The following MACF1 variants were observed in gnomAD, a reference collection of about 807,000 sequenced individuals.
The protein encoded by MACF1 is microtubule-actin cross-linking factor 1.
MACF1 carries 193 observed loss-of-function variants against 854.8 expected under a neutral mutation model. That is an observed-to-expected ratio of 0.23 (90% CI 0.20 to 0.25). MACF1 has a LOEUF of 0.25. MACF1 is among the 10% of genes least tolerant of loss of function. The pLI is 1.00. For synonymous variants in MACF1, 3,185 were observed against 3,226.7 expected (o/e 0.99, Z 0.44); for missense variants, 7,722 against 8,929.1 (o/e 0.86, Z 5.45).
intron 2 of MACF1, among the ~76,000 whole-genome samples, chr1:39,175,128 C>T (rs1644007022): frequency 6.6e-6 from 1 of 152,124 alleles, no homozygotes; most frequent in African/African-American, 2.4e-5. Context: ...CCCTCCCCCA[C>T]CTTGCTCCAT....
intron 58 of MACF1, among the ~76,000 whole-genome samples, chr1:39,420,572 C>G (rs565827790): frequency 5.9e-5 from 9 of 152,084 alleles, no homozygotes; most frequent in Non-Finnish European, 1.2e-4. Flanking sequence ...TATAACCTTC[C>G]TTTTTCAGTG....
intron 58 of MACF1, among the ~76,000 whole-genome samples, chr1:39,406,093 A>T (rs559264999): frequency 2.6e-5 from 4 of 152,352 alleles, no homozygotes; most frequent in African/African-American, 9.6e-5. Flanking sequence ...AAAAAGAGCA[A>T]AGCACTCAGA....
intron 2 of MACF1, among the ~76,000 whole-genome samples, chr1:39,124,190 G>C (rs1642803959): frequency 6.6e-6 from 1 of 151,890 alleles, no homozygotes; most frequent in Admixed American, 6.6e-5. Flanking sequence ...CAGGCCCCCA[G>C]GTGGTTTTTT....
At chr1:39,212,394 G>T (rs1467247208) in intron 1 of MACF1, among the ~76,000 whole-genome samples, 4 of 152,096 alleles carry the variant, frequency 2.6e-5, no homozygotes, top group African/African-American at 9.7e-5. Context: ...GACTGACCTT[G>T]TCCCCAAGAC....
chr1:39,340,760 T>A (rs774575011), intron 39 of MACF1, 43 bp downstream of exon 39: 1 of 1,612,186 alleles, frequency 6.2e-7, no homozygotes, highest in Non-Finnish European at 8.5e-7. Flanking sequence ...AAAGTCTGGG[T>A]GGCTGGGAGA....
chr1:39,095,719 A>AC (rs1641920739), intron 2 of MACF1, among the ~76,000 whole-genome samples: 1 of 107,828 alleles, frequency 9.3e-6, no homozygotes, highest in Non-Finnish European at 2.0e-5. Context: ...CCATCTCCAC[A>AC]AAAAAAAAAA....
intron 2 of MACF1, chr1:39,103,267 C>T (rs1392460066): frequency 9.2e-6 from 3 of 326,010 alleles, no homozygotes; most frequent in Non-Finnish European, 1.8e-5. Flanking sequence ...ATCAGTCACA[C>T]ATCTTGAGGA....
intron 1 of MACF1, among the ~76,000 whole-genome samples, chr1:39,220,250 G>A (rs948213215): frequency 4.7e-5 from 7 of 150,388 alleles, no homozygotes; most frequent in African/African-American, 7.4e-5. Context: ...ATCTCAGCTC[G>A]CAACCTCTGC....
intron 72 of MACF1, among the ~76,000 whole-genome samples, chr1:39,440,106 C>CTTTTTTTTTTTTTTTTTTTTTTTTTT (rs1251165556): frequency 1.5e-5 from 1 of 68,300 alleles, no homozygotes; most frequent in African/African-American, 6.5e-5. Flanking sequence ...CTTTTCTTTT[C>CTTTTTTTTTTTTTTTTTTTTTTTTTT]TTTTCTTTTT....
At chr1:39,119,442 A>G (rs1642637969) in intron 2 of MACF1, among the ~76,000 whole-genome samples, 1 of 146,894 alleles carries the variant, frequency 6.8e-6, no homozygotes, top group African/African-American at 2.5e-5. Flanking sequence ...TGTTGTTGTT[A>G]CTTTTTGTGT....
At chr1:39,256,106 T>A (rs1645093741) in intron 5 of MACF1, among the ~76,000 whole-genome samples, 1 of 152,166 alleles carries the variant, frequency 6.6e-6, no homozygotes, top group Non-Finnish European at 1.5e-5. Flanking sequence ...ATATTTGGGA[T>A]ATCAATATAA....
chr1:39,431,864 T>C (rs1643880248), intron 66 of MACF1, among the ~76,000 whole-genome samples: 1 of 151,734 alleles, frequency 6.6e-6, no homozygotes, highest in Admixed American at 6.6e-5. Flanking sequence ...TAGTCCTAGC[T>C]ATTAGAGAGG....
chr1:39,157,527 T>TGAGGGATTGTTC (rs1643716553), intron 2 of MACF1, among the ~76,000 whole-genome samples: 1 of 152,206 alleles, frequency 6.6e-6, no homozygotes, highest in Admixed American at 6.5e-5. Flanking sequence ...ATCTCCCATA[T>TGAGGGATTGTTC]GAGGGATTGT....
At chr1:39,319,366 T>C (rs1646470354) in intron 30 of MACF1, among the ~76,000 whole-genome samples, 1 of 152,094 alleles carries the variant, frequency 6.6e-6, no homozygotes. Context: ...TTGCAGCACT[T>C]TGGGAGGCCG....
In MACF1 at chr1:39,414,418, A is replaced by T. The variant is rs563855691; in HGVS notation, c.15817-7956A>T. The stretch of plus-strand genomic sequence containing the variant: ...AGTATTTGGCATAAAAGAGGTGACC[A>T]GCACAGTGCTACATGGGAAAGTGCC... On this transcript the variant is annotated intron_variant, in intron 58 of 100. Coordinates refer to ENST00000564288, the MANE Select transcript of MACF1 (RefSeq NM_001394062.1). 9.4e-5 allele frequency: 152 copies of T among 1,614,044 alleles called. No individual in the cohort carries two copies. The South Asian group carries it at 1.5e-3, about 16-fold the overall frequency.
chr1:39,107,852 C>A (rs909094285), intron 2 of MACF1, among the ~76,000 whole-genome samples: 1 of 152,136 alleles, frequency 6.6e-6, no homozygotes, highest in South Asian at 2.1e-4. Context: ...TTTGTAGTCA[C>A]CTCATTATAC....
chr1:39,241,946 T>C (rs1276991786), intron 2 of MACF1, among the ~76,000 whole-genome samples: 2 of 152,224 alleles, frequency 1.3e-5, no homozygotes, highest in Non-Finnish European at 2.9e-5. Context: ...TAAAGTCCCT[T>C]TGGGCTAAGA....
At chr1:39,137,071 T>G (rs1643193771) in intron 2 of MACF1, among the ~76,000 whole-genome samples, 1 of 152,130 alleles carries the variant, frequency 6.6e-6, no homozygotes, top group African/African-American at 2.4e-5. Context: ...TTAATTTAAT[T>G]TAATTTAATT....
chr1:39,194,351 C>CTTTTTTTTTTTTTTTTT (rs749853544), intron 2 of MACF1, among the ~76,000 whole-genome samples: 1 of 35,542 alleles, frequency 2.8e-5, no homozygotes, highest in Non-Finnish European at 5.2e-5. Flanking sequence ...CTTTTCTTTT[C>CTTTTTTTTTTTTTTTTT]TTTTTTTTTT....
Sources: allele counts gnomAD v4.1 joint callset (sites outside exome capture counted in the v4.1 genomes callset), GRCh38; gene constraint gnomAD v4.1.1; transcripts MANE v1.5; gene names NCBI Gene and HGNC (gene_info 2026-07-23, HGNC 2026-07-21).